The following DNAI7 variants were observed in gnomAD, a reference collection of about 807,000 sequenced individuals.
The protein encoded by DNAI7 is cancer susceptibility 1.
A neutral mutation model predicts 86.6 loss-of-function variants in DNAI7; 78 were observed. The ratio of observed to expected loss-of-function variants is 0.90; its 90% CI spans 0.75 to 1.09. DNAI7 has a LOEUF of 1.09. Ranked by LOEUF, DNAI7 falls within the 50% of genes least tolerant of loss-of-function variation. The pLI is 0.00. For synonymous variants in DNAI7, 274 were observed against 273.0 expected, an observed-to-expected ratio of 1.00 and a Z score of -0.04; for missense variants, 753 against 810.2, an observed-to-expected ratio of 0.93 and a Z score of 0.86.
intron 7 of DNAI7, among the ~76,000 whole-genome samples, chr12:25,147,448 T>C (rs1360223823): frequency 6.7e-6 from 1 of 149,330 alleles, no homozygotes; most frequent in Non-Finnish European, 1.5e-5. Flanking sequence ...GTCCAGGAGT[T>C]CAAGAAAAGC....
In DNAI7 at chr12:25,108,694, CTTCT is replaced by C. The variant is rs756507413; in HGVS notation, c.2019_2022del (p.Glu674LysfsTer12). 3 of 1,613,468 alleles carry C rather than the reference CTTCT, an allele frequency of 1.9e-6. No homozygotes were observed. The highest frequency in any genetic ancestry group is 2.5e-6 in the Non-Finnish European group (3 of 1,179,830). ...TATAAAGTAGAATGAAACTCAGTTT[CTTCT>C]TTAAGTGCTTCAGAAAATGCCTCAC... On this transcript the variant is annotated frameshift_variant, in exon 16 of 16. Coordinates refer to ENST00000395987, the MANE Select transcript of DNAI7 (RefSeq NM_018272.5). LOFTEE classifies it low-confidence loss of function (END_TRUNC).
intron 2 of DNAI7, among the ~76,000 whole-genome samples, chr12:25,173,156 C>G (rs756232311): frequency 6.6e-6 from 1 of 152,090 alleles, no homozygotes; most frequent in African/African-American, 2.4e-5. Context: ...GCAGAGTAAA[C>G]AGACAACCCA....
intron 3 of DNAI7, among the ~76,000 whole-genome samples, chr12:25,160,370 C>T (rs1378972152): frequency 6.6e-6 from 1 of 152,174 alleles, no homozygotes; most frequent in Non-Finnish European, 1.5e-5. Context: ...TACTTTTAAA[C>T]TTAACTTCTT....
At chr12:25,162,863 T>A (rs774000042) in intron 2 of DNAI7, among the ~76,000 whole-genome samples, 1 of 152,238 alleles carries the variant, frequency 6.6e-6, no homozygotes, top group Non-Finnish European at 1.5e-5. Context: ...TACGAGCAGC[T>A]GAACCTTATC....
At chr12:25,164,752 C>A (rs978091975) in intron 2 of DNAI7, among the ~76,000 whole-genome samples, 25 of 152,226 alleles carry the variant, frequency 1.6e-4, no homozygotes, top group Middle Eastern at 3.4e-3. Flanking sequence ...CCCAACCCCA[C>A]GCGTCGCTGA....
intron 9 of DNAI7, among the ~76,000 whole-genome samples, chr12:25,136,242 T>A (rs894783771): frequency 2.6e-5 from 4 of 152,206 alleles, no homozygotes; most frequent in Non-Finnish European, 5.9e-5. Flanking sequence ...CACGACTCTT[T>A]GCAGACACTC....
intron 6 of DNAI7, among the ~76,000 whole-genome samples, chr12:25,153,322 G>A (rs1262460510): frequency 6.6e-6 from 1 of 152,152 alleles, no homozygotes; most frequent in African/African-American, 2.4e-5. Context: ...TTGGGAGGCT[G>A]AGGCATGAGA....
At chr12:25,150,348 C>A (rs567221327) in intron 6 of DNAI7, among the ~76,000 whole-genome samples, 3 of 152,010 alleles carry the variant, frequency 2.0e-5, no homozygotes, top group Non-Finnish European at 4.4e-5. Context: ...CTCATGCCTG[C>A]AATCCCAGCA....
intron 1 of DNAI7, among the ~76,000 whole-genome samples, chr12:25,192,110 C>T (rs1188173333): frequency 6.6e-6 from 1 of 152,228 alleles, no homozygotes; most frequent in Non-Finnish European, 1.5e-5. Context: ...CAATCTGAGG[C>T]ACTGGAGATA....
intron 9 of DNAI7, among the ~76,000 whole-genome samples, chr12:25,125,390 A>T (rs921440284): frequency 1.5e-4 from 23 of 152,116 alleles, no homozygotes; most frequent in African/African-American, 5.6e-4. Flanking sequence ...GCTTCTTTTC[A>T]TATGCTTCTA....
chr12:25,181,356 C>A (rs1221151709), intron 2 of DNAI7, among the ~76,000 whole-genome samples: 1 of 151,886 alleles, frequency 6.6e-6, no homozygotes, highest in Non-Finnish European at 1.5e-5. Flanking sequence ...CGGCCTCAAG[C>A]AATCCTTCTG....
chr12:25,156,850 AAACC>A (rs2140985195), intron 4 of DNAI7, among the ~76,000 whole-genome samples: 2 of 152,352 alleles, frequency 1.3e-5, no homozygotes, highest in African/African-American at 4.8e-5. Flanking sequence ...ATAATTCAGT[AAACC>A]AAAACTTTTC....
Position 25,155,354 on chromosome 12 carries a change from G to A in DNAI7, c.257C>T (p.Pro86Leu). The stretch of plus-strand genomic sequence containing the variant: ...TTCCTGTTTCAATTTCTCTGCTTCA[G>A]GAAAACACCTCTCTAATAAATAAAG... The part of the protein sequence containing the change: ...EELYLLERCF[P>L]EAEKLKQETK... The change falls in exon 5 of 16, where the codon CCT becomes CTT. Residue 86 changes from proline (P) to leucine (L), a missense_variant. Pro to Leu is a moderately conservative substitution (Grantham distance 98, BLOSUM62 -3). Transcript: ENST00000395987. 1 of 1,607,526 alleles carries A rather than the reference G, an allele frequency of 6.2e-7. No individual in the cohort carries two copies. Among genetic ancestry groups the A allele is most frequent in the Non-Finnish European group, 8.5e-7 (1 of 1,176,226 alleles).
chr12:25,142,818 T>G (rs924888085), intron 9 of DNAI7, among the ~76,000 whole-genome samples: 1 of 152,190 alleles, frequency 6.6e-6, no homozygotes, highest in Non-Finnish European at 1.5e-5. Context: ...TATTTACCCA[T>G]TCTATTTTTT....
chr12:25,153,566 C>T (rs1317285083), intron 6 of DNAI7, among the ~76,000 whole-genome samples: 1 of 152,248 alleles, frequency 6.6e-6, no homozygotes, highest in East Asian at 1.9e-4. Flanking sequence ...TCTTTTGAGG[C>T]TCCCAGCCAT....
intron 3 of DNAI7, chr12:25,158,857 T>C: frequency 2.9e-6 from 1 of 350,158 alleles, no homozygotes. Flanking sequence ...TCACCACTGG[T>C]CATCAGAGAA....
intron 5 of DNAI7, among the ~76,000 whole-genome samples, chr12:25,154,714 G>A (rs979471984): frequency 2.0e-5 from 3 of 152,112 alleles, no homozygotes; most frequent in African/African-American, 4.8e-5. Flanking sequence ...TTATTTATAA[G>A]TAGTTTTGTT....
intron 2 of DNAI7, among the ~76,000 whole-genome samples, chr12:25,175,873 T>C (rs1480653257): frequency 6.6e-6 from 1 of 150,546 alleles, no homozygotes; most frequent in African/African-American, 2.4e-5. Context: ...AGGTCAGGAG[T>C]TTGAGACCAG....
At chr12:25,132,896 C>A (rs1481400277) in intron 9 of DNAI7, among the ~76,000 whole-genome samples, 1 of 140,570 alleles carries the variant, frequency 7.1e-6, no homozygotes, top group East Asian at 1.9e-4. Context: ...GGGTATAACC[C>A]CTTGTCATGT....
Sources: allele counts gnomAD v4.1 joint callset (sites outside exome capture counted in the v4.1 genomes callset), GRCh38; gene constraint gnomAD v4.1.1; transcripts MANE v1.5; gene names NCBI Gene and HGNC (gene_info 2026-07-23, HGNC 2026-07-21).